The following TPT1 variants were observed in gnomAD, a reference collection of about 807,000 sequenced individuals.
TPT1 encodes the protein tumor protein, translationally-controlled 1, also known as translationally-controlled tumor protein.
Under a neutral mutation model 22.8 loss-of-function variants are expected in TPT1, and 5 were observed. That is an observed-to-expected ratio of 0.22 (90% CI 0.11 to 0.46). TPT1 has a LOEUF of 0.46. Among genes scored for constraint, TPT1 ranks in the 20% least tolerant of loss-of-function variants. TPT1 has a pLI of 0.99. For missense variants in TPT1, 130 were observed against 218.7 expected (o/e 0.59, Z 2.56); for synonymous variants, 89 against 73.6 (o/e 1.21, Z -1.07).
rs1434634514 is a variant in TPT1 at position 45,341,089 on chromosome 13, C to A, written c.-20G>T. 6.2e-7 allele frequency: 1 copy of A among 1,612,684 alleles called. No individual in the cohort carries two copies. On this transcript the variant is annotated 5_prime_UTR_variant, in exon 1 of 6. Transcript: ENST00000530705. Reference sequence around the variant, plus strand: ...AATCATGATGGCGACTGAAGGGAGACGACGACGGCGCTAGCTTAGCACGAG... The same window carrying A: ...AATCATGATGGCGACTGAAGGGAGAAGACGACGGCGCTAGCTTAGCACGAG...
intron 2 of TPT1, 62 bp downstream of exon 2, chr13:45,340,650 A>G (rs1323439205): frequency 1.3e-6 from 2 of 1,522,010 alleles, no homozygotes; most frequent in Non-Finnish European, 8.9e-7. Flanking sequence ...CAGGCGGGGG[A>G]GCGGAGGAAA....
At chr13:45,337,490 C>T (rs1246008310) in intron 5 of TPT1, 102 bp from the exon 6 acceptor site, 24 of 1,614,050 alleles carry the variant, frequency 1.5e-5, no homozygotes, top group Non-Finnish European at 1.9e-5. Context: ...AGATGTATTC[C>T]CCAATTCAAT....
intron 4 of TPT1, 51 bp downstream of exon 4, chr13:45,339,446 C>A: frequency 6.6e-7 from 1 of 1,515,396 alleles, no homozygotes; most frequent in South Asian, 1.2e-5. Context: ...AATTTTTGCT[C>A]TTGCAGTTAA....
At chr13:45,339,370 C>A in intron 4 of TPT1, 127 bp downstream of exon 4, 1 of 689,638 alleles carries the variant, frequency 1.5e-6, no homozygotes, top group Non-Finnish European at 2.2e-6. Flanking sequence ...TTGGAAACAC[C>A]TGCGAGCTGG....
At position 45,338,747 on chromosome 13, in the gene TPT1, A is replaced by T. The variant is rs1353433622; in HGVS notation, c.429T>A (p.Asp143Glu). ...QFFIGENMNP[D>E]GMVALLDYRE... Reference sequence around the variant, plus strand: ...GGTAGTCCAATAGAGCAACCATGCCATCTGGATTCATGTTTTCACCAATAA... The same window carrying T: ...GGTAGTCCAATAGAGCAACCATGCCTTCTGGATTCATGTTTTCACCAATAA... Residue 143 changes from aspartate to glutamate, a missense_variant, in exon 5 of 6, where the codon GAT becomes GAA. Transcript: ENST00000530705. The T allele has an allele frequency of 2.5e-6, 4 of 1,595,600 alleles. No homozygotes were observed. In the South Asian group the frequency reaches 4.6e-5, roughly 18 times the overall value.
chr13:45,340,655 A>C, intron 2 of TPT1, 57 bp downstream of exon 2: 1 of 1,533,548 alleles, frequency 6.5e-7, no homozygotes, highest in South Asian at 1.2e-5. Context: ...GGGGGAGCGG[A>C]GGAAACCCGA....
chr13:45,334,079 A>G lies in TPT1; in HGVS notation c.*3307T>C, dbSNP rs1878531212. ...CTCAGCCGCCTGAGTAGCTGGGACT[A>G]CAGATGCCCAATTAATTTTTTTAGG... On this transcript the variant is annotated 3_prime_UTR_variant, in exon 6 of 6. Transcript: ENST00000530705. 6.6e-6 allele frequency: 1 copy of G among 152,244 alleles called. No individual in the cohort carries two copies. 9.4% of individuals were successfully genotyped at this position (152,244 alleles called of 1,614,324 possible).
chr13:45,341,161 G>T lies in TPT1; in HGVS notation c.-92C>A. ...GGTGCAGCCGGAGCGGCGCTCGGGG[G>T]GAGGGGGGAGCGGGCGGAAAAGGCC... On this transcript the variant is annotated 5_prime_UTR_variant, in exon 1 of 6. Coordinates refer to ENST00000530705, the MANE Select transcript of TPT1 (RefSeq NM_003295.4). 6.4e-7 allele frequency: 1 copy of T among 1,558,226 alleles called. No individual in the cohort carries two copies. The highest frequency in any genetic ancestry group is 8.7e-7 in the Non-Finnish European group (1 of 1,146,056).
chr13:45,338,855 G>T, intron 4 of TPT1, 79 bp from the exon 5 acceptor site: 1 of 1,245,070 alleles, frequency 8.0e-7, no homozygotes, highest in Non-Finnish European at 1.1e-6. Context: ...ACAGTACAAG[G>T]GAAGGTTTAG....
intron 1 of TPT1, 24 bp downstream of exon 1, chr13:45,341,018 A>C: frequency 6.2e-7 from 1 of 1,608,786 alleles, no homozygotes; most frequent in Non-Finnish European, 8.5e-7. Context: ...GTGCGGCAGT[A>C]AGGATAGTGC....
Position 45,337,405 on chromosome 13 carries a change from T to G in TPT1, c.517-17A>C, listed in dbSNP as rs761499970. 3.1e-6 allele frequency: 5 copies of G among 1,613,978 alleles called. No homozygotes were observed. In the Admixed American group the frequency reaches 8.3e-5, roughly 27 times the overall value. ...CATTTGTTACTGTAAAAGCAAAAAC[T>G]ACATTAATATTTTTCAAACATTACA... is the stretch of plus-strand genomic sequence containing the variant. On this transcript the variant is annotated splice_polypyrimidine_tract_variant and intron_variant, in intron 5 of 5. Coordinates refer to ENST00000530705, the MANE Select transcript of TPT1 (RefSeq NM_003295.4).
chr13:45,339,829 A>G, intron 3 of TPT1, 165 bp downstream of exon 3: 1 of 798,618 alleles, frequency 1.3e-6, no homozygotes, highest in Non-Finnish European at 1.9e-6. Flanking sequence ...AGGCTTCAGT[A>G]TGCTCATATT....
intron 4 of TPT1, chr13:45,339,025 A>G: frequency 2.5e-6 from 1 of 393,686 alleles, no homozygotes; most frequent in Non-Finnish European, 4.5e-6. Context: ...CTTTACTCTC[A>G]ATCCTAAATA....
Position 45,340,187 on chromosome 13 carries a change from G to A in TPT1, c.103-3C>T. The A allele has an allele frequency of 6.2e-7, 1 of 1,604,714 alleles. No individual in the cohort carries two copies. The highest frequency in any genetic ancestry group is 2.2e-5 in the East Asian group (1 of 44,750). On this transcript the variant is annotated splice_region_variant and splice_polypyrimidine_tract_variant and intron_variant, in intron 2 of 5. Coordinates refer to ENST00000530705, the MANE Select transcript of TPT1 (RefSeq NM_003295.4). ...TTACCTTCTGTCCTACTGACCATCT[G>A]CATTAAGAAAAAGCAGTATAATTGC...
chr13:45,340,549 G>T lies in TPT1; in HGVS notation c.102+163C>A, dbSNP rs1178473309. ...CGCCGAGGCGGCGGGCCTATTTCCA[G>T]GATCAGCTCCGCCTCCAGTTTTCTA... On this transcript the variant is annotated intron_variant, in intron 2 of 5. Transcript: ENST00000530705. 4 of 922,884 alleles carry T rather than the reference G, an allele frequency of 4.3e-6. No individual in the cohort carries two copies. The South Asian group carries it at 5.6e-5, about 13-fold the overall frequency. 57.2% of individuals were successfully genotyped at this position (922,884 alleles called of 1,614,324 possible).
At chr13:45,340,432 G>C (rs1186075146) in intron 2 of TPT1, 3 of 743,630 alleles carry the variant, frequency 4.0e-6, no homozygotes, top group South Asian at 3.0e-5. Context: ...TGATGCCTCC[G>C]GTTGGTAAGT....
Position 45,341,124 on chromosome 13 carries a change from C to G in TPT1, c.-55G>C. ...GCTAGCTTAGCACGAGCCTGAAACT[C>G]GGAGCGAGCGCGGTGCAGCCGGAGC... On this transcript the variant is annotated 5_prime_UTR_variant, in exon 1 of 6. Coordinates refer to ENST00000530705, the MANE Select transcript of TPT1 (RefSeq NM_003295.4). 2.5e-6 allele frequency: 4 copies of G among 1,604,018 alleles called. No homozygotes were observed. The highest frequency in any genetic ancestry group is 1.1e-5 in the South Asian group (1 of 89,844).
At position 45,335,079 on chromosome 13, in the gene TPT1, G is replaced by A. The variant is rs1878586274; in HGVS notation, c.*2307C>T. 6.6e-6 allele frequency: 1 copy of A among 152,184 alleles called. No individual in the cohort carries two copies. The highest frequency in any genetic ancestry group is 1.5e-5 in the Non-Finnish European group (1 of 68,042). The allele number at this position is 152,184 out of a possible 1,614,324, so 9.4% of individuals were successfully genotyped here. A position where few individuals can be genotyped will look rare whatever the true frequency, so the allele number is the denominator to read the frequency against. On this transcript the variant is annotated 3_prime_UTR_variant, in exon 6 of 6. Transcript: ENST00000530705. ...CCACAGGCTACTAAAGCATGCCTTT[G>A]TTAAACTTAGCATCAAAAACAAAAT...
intron 3 of TPT1, 42 bp downstream of exon 3, chr13:45,339,952 T>C: frequency 1.3e-6 from 2 of 1,599,914 alleles, no homozygotes; most frequent in South Asian, 1.1e-5. Flanking sequence ...TTAAATCCTG[T>C]AAGATTCTAG....
Sources: allele counts gnomAD v4.1 joint callset, GRCh38; gene constraint gnomAD v4.1.1; transcripts MANE v1.5; gene names NCBI Gene and HGNC (gene_info 2026-07-23, HGNC 2026-07-21).